Variants in ROCK2 observed in about 807,000 individuals in gnomAD.
The protein encoded by ROCK2 is rho-associated protein kinase 2.
ROCK2 carries 61 observed loss-of-function variants against 195.1 expected under a neutral mutation model. The observed-to-expected ratio is 0.31, with a 90% CI of 0.25 to 0.39. The LOEUF is 0.39. Ranked by LOEUF, ROCK2 falls within the 10% of genes least tolerant of loss-of-function variation. The pLI, the probability that ROCK2 is intolerant of heterozygous loss-of-function variation, is 1.00. For missense variants in ROCK2, 1,109 were observed against 1,637.4 expected (o/e 0.68, Z 5.57); for synonymous variants, 504 against 545.5 (o/e 0.92, Z 1.06).
intron 5 of ROCK2, among the ~76,000 whole-genome samples, chr2:11,227,738 T>C (rs924629476): frequency 6.6e-6 from 1 of 152,188 alleles, no homozygotes; most frequent in Non-Finnish European, 1.5e-5. Context: ...GTACAAAATG[T>C]GGTCTTAAGG....
At chr2:11,329,058 A>C (rs1469439122) in intron 1 of ROCK2, among the ~76,000 whole-genome samples, 4 of 150,976 alleles carry the variant, frequency 2.6e-5, no homozygotes, top group Admixed American at 2.0e-4. Flanking sequence ...CCTAAAACTT[A>C]AAGTATAATA....
intron 32 of ROCK2, among the ~76,000 whole-genome samples, chr2:11,186,011 A>T (rs1406592150): frequency 6.6e-6 from 1 of 152,250 alleles, no homozygotes; most frequent in Non-Finnish European, 1.5e-5. Context: ...ATTTTCAAAT[A>T]AAAAACCTGA....
In ROCK2 at chr2:11,201,076, T is replaced by C. The variant is rs779832331; in HGVS notation, c.2791A>G (p.Ile931Val). ...KADSEQLARS[I>V]AEEQYSDLEK... is the part of the protein sequence containing the mutation. ...AAATCAGAATATTGTTCTTCAGCAA[T>C]TGAACGAGCCAGTTGCTCAGAATCT... Residue 931 changes from isoleucine (I) to valine (V), a missense_variant, in exon 23 of 33, where the codon ATT becomes GTT. Coordinates refer to ENST00000315872, the MANE Select transcript of ROCK2 (RefSeq NM_004850.5). The surrounding 1 kb of genome is among the most constrained non-coding windows in gnomAD (Gnocchi z 4.6). 1.3e-5 allele frequency: 21 copies of C among 1,613,706 alleles called. No homozygotes were observed. The highest frequency in any genetic ancestry group is 5.0e-5 in the Admixed American group (3 of 59,982).
At chr2:11,317,573 CATTTATATATATAT>C (rs1668236047) in intron 1 of ROCK2, among the ~76,000 whole-genome samples, 1 of 49,778 alleles carries the variant, frequency 2.0e-5, no homozygotes, top group African/African-American at 9.2e-5. Flanking sequence ...CTGATCTACA[CATTTATATATATAT>C]ATATATATAT....
intron 3 of ROCK2, 115 bp from the exon 4 acceptor site, chr2:11,249,913 C>T: frequency 1.2e-6 from 1 of 833,128 alleles, no homozygotes; most frequent in Non-Finnish European, 1.7e-6. Flanking sequence ...TGGTCCTTAG[C>T]TAATAAAAAG....
intron 1 of ROCK2, among the ~76,000 whole-genome samples, chr2:11,320,000 C>T (rs536068019): frequency 2.6e-5 from 4 of 152,250 alleles, no homozygotes; most frequent in African/African-American, 9.6e-5. Context: ...CTAAGCTCCT[C>T]AGCTTTGTTA....
At chr2:11,325,433 A>G (rs1668518752) in intron 1 of ROCK2, among the ~76,000 whole-genome samples, 1 of 152,214 alleles carries the variant, frequency 6.6e-6, no homozygotes, top group Non-Finnish European at 1.5e-5. Flanking sequence ...TCCACATACT[A>G]CATTACAGTT....
intron 1 of ROCK2, among the ~76,000 whole-genome samples, chr2:11,291,565 T>C (rs1194092123): frequency 2.0e-5 from 3 of 151,416 alleles, no homozygotes; most frequent in Admixed American, 6.6e-5. Flanking sequence ...AAAAAACTAA[T>C]TGTTGTTAAA....
chr2:11,312,121 A>T (rs539838205), intron 1 of ROCK2, among the ~76,000 whole-genome samples: 52 of 152,142 alleles, frequency 3.4e-4, no homozygotes, highest in Non-Finnish European at 6.5e-4. Context: ...TGAAAAACAT[A>T]TTTTTCATTA....
chr2:11,302,381 A>G (rs1319850712), intron 1 of ROCK2, among the ~76,000 whole-genome samples: 1 of 151,208 alleles, frequency 6.6e-6, no homozygotes, highest in African/African-American at 2.4e-5. Flanking sequence ...GTGCAGTGGT[A>G]TGGTCTGGCT....
intron 4 of ROCK2, among the ~76,000 whole-genome samples, chr2:11,242,410 G>C (rs1487127440): frequency 6.6e-6 from 1 of 152,218 alleles, no homozygotes; most frequent in Non-Finnish European, 1.5e-5. Flanking sequence ...AGCTCAGAAA[G>C]GGAAGGAGGA....
intron 1 of ROCK2, among the ~76,000 whole-genome samples, chr2:11,316,469 A>G (rs1313875087): frequency 6.6e-6 from 1 of 152,200 alleles, no homozygotes; most frequent in Non-Finnish European, 1.5e-5. Context: ...ATTATTCCAT[A>G]GTATTTAATT....
Position 11,259,174 on chromosome 2 carries a change from TA to T in ROCK2, c.325-9377del, listed in dbSNP as rs1444190168. Among the ~76,000 whole-genome samples the T allele has an allele frequency of 1.1e-4, 16 of 151,480 alleles. No individual in the cohort carries two copies. The East Asian group carries it at 3.1e-3, about 29-fold the overall frequency. On this transcript the variant is annotated intron_variant, in intron 3 of 32. Coordinates refer to ENST00000315872, the MANE Select transcript of ROCK2 (RefSeq NM_004850.5). The stretch of plus-strand genomic sequence containing the variant: ...GCTGATGGCCTTTTAGGCTGAGAAT[TA>T]CATTAAAATAATAAATATTCCTTTG...
In ROCK2 at chr2:11,250,065, A is replaced by G. The variant is rs7583049; in HGVS notation, c.325-267T>C. Among the ~76,000 whole-genome samples the G allele has an allele frequency of 7.0e-3, 1,061 of 152,316 alleles. 14 individuals are homozygous for G. Among genetic ancestry groups the G allele is most frequent in the African/African-American group, 0.024 (1,010 of 41,578 alleles). ...CAACTAAATGAAGGTAAATTCGTGA[A>G]GCTTCATTCTCTCATATTAATTAAG... is the stretch of plus-strand genomic sequence containing the variant. On this transcript the variant is annotated intron_variant, in intron 3 of 32. Transcript: ENST00000315872.
chr2:11,278,679 C>A (rs1666905847), intron 3 of ROCK2, among the ~76,000 whole-genome samples: 1 of 152,188 alleles, frequency 6.6e-6, no homozygotes, highest in Non-Finnish European at 1.5e-5. Flanking sequence ...ATGGTGCGAT[C>A]TTGGCTCACT....
At chr2:11,255,659 C>T (rs943835171) in intron 3 of ROCK2, among the ~76,000 whole-genome samples, 2 of 150,978 alleles carry the variant, frequency 1.3e-5, no homozygotes, top group Non-Finnish European at 2.9e-5. Flanking sequence ...GTGGCTCACA[C>T]CTGTGATCCC....
chr2:11,215,747 G>T, intron 13 of ROCK2, 102 bp from the exon 14 acceptor site: 2 of 920,732 alleles, frequency 2.2e-6, no homozygotes, highest in East Asian at 2.7e-5. Flanking sequence ...ATCTCAAAAA[G>T]GCTTTCACTG....
At chr2:11,325,062 T>C (rs754879908) in intron 1 of ROCK2, among the ~76,000 whole-genome samples, 1 of 152,246 alleles carries the variant, frequency 6.6e-6, no homozygotes, top group Non-Finnish European at 1.5e-5. Flanking sequence ...AATTCTCCAT[T>C]ATCATTTAAC....
At chr2:11,206,385 C>G (rs909713862) in intron 20 of ROCK2, among the ~76,000 whole-genome samples, 21 of 152,070 alleles carry the variant, frequency 1.4e-4, no homozygotes, top group African/African-American at 4.1e-4. Flanking sequence ...CTAGCTCTTA[C>G]ATCTGCATAA....
Sources: gnomAD v4.1 joint callset for allele counts (sites outside exome capture counted in the v4.1 genomes callset) on GRCh38, gnomAD v4.1.1 for gene constraint, Gnocchi (gnomAD v3.1) non-coding constraint, MANE v1.5 for transcripts, NCBI Gene and HGNC (gene_info 2026-07-23, HGNC 2026-07-21) for gene names.